Variants in SAMMSON observed in about 807,000 individuals in gnomAD.
SAMMSON encodes long intergenic non-protein coding RNA 1212.
At chr3:70,131,749 T>G (rs1559520471) in intron 4 of SAMMSON, among the ~76,000 whole-genome samples, 1 of 151,986 alleles carries the variant, frequency 6.6e-6, no homozygotes, top group African/African-American at 2.4e-5. Context: ...CCCAGCTAGT[T>G]TTTTTGATTT....
chr3:70,215,771 T>C (rs919315864), intron 4 of SAMMSON, among the ~76,000 whole-genome samples: 2 of 152,116 alleles, frequency 1.3e-5, no homozygotes, highest in Admixed American at 6.6e-5. Context: ...AGAAAGCAAG[T>C]AATAAATACA....
chr3:70,061,854 C>G (rs1041673862), intron 3 of SAMMSON, among the ~76,000 whole-genome samples: 2 of 152,142 alleles, frequency 1.3e-5, no homozygotes, highest in African/African-American at 4.8e-5. Flanking sequence ...CTTGCAACAG[C>G]TTCACTTGAT....
In SAMMSON at chr3:70,018,318, G is replaced by A. The variant is rs150454004; in HGVS notation, n.417+4646G>A. Among the ~76,000 whole-genome samples, 491 of 152,250 alleles carry A rather than the reference G, an allele frequency of 3.2e-3. 5 individuals are homozygous for A. The highest frequency in any genetic ancestry group is 0.011 in the African/African-American group (475 of 41,516). ...CTTCCTGGTTTATTCTTGGGAGGGTGTATGTGCTGAGGAATTTATCCATTT... is the reference window on the plus strand; with the variant it reads ...CTTCCTGGTTTATTCTTGGGAGGGTATATGTGCTGAGGAATTTATCCATTT... On this transcript the variant is annotated intron_variant and non_coding_transcript_variant, in intron 3 of 9. Transcript: ENST00000642114.
chr3:70,388,793 G>T (rs754035761), intron 9 of SAMMSON, among the ~76,000 whole-genome samples: 3 of 152,058 alleles, frequency 2.0e-5, no homozygotes, highest in African/African-American at 7.2e-5. Flanking sequence ...TAATATCTTT[G>T]ATTTTTGTTA....
At chr3:70,104,575 G>C (rs2067359402) in intron 4 of SAMMSON, among the ~76,000 whole-genome samples, 1 of 152,160 alleles carries the variant, frequency 6.6e-6, no homozygotes, top group African/African-American at 2.4e-5. Flanking sequence ...CAAGGGAAAA[G>C]GAGCTGGGTC....
chr3:70,427,308 T>A (rs1701377941), intron 2 of SAMMSON, among the ~76,000 whole-genome samples: 1 of 152,172 alleles, frequency 6.6e-6, no homozygotes, highest in Non-Finnish European at 1.5e-5. Context: ...TTGTTAGTAG[T>A]TTCTACTAAC....
rs1490474094 is a variant in SAMMSON at position 70,298,525 on chromosome 3, A to AC, written n.739+7283dup. 5.3e-5 allele frequency among the ~76,000 whole-genome samples: 8 copies of AC among 152,284 alleles called. No individual in the cohort carries two copies. The South Asian group carries it at 1.7e-3, about 32-fold the overall frequency. On this transcript the variant is annotated intron_variant and non_coding_transcript_variant, in intron 7 of 9. Transcript: ENST00000642114. ...ATTACTAAGTTGTAATTCATTTTGA[A>AC]CTATTTAATCACTGTGATCTACAGA...
intron 7 of SAMMSON, among the ~76,000 whole-genome samples, chr3:70,333,883 T>C (rs1202355995): frequency 6.6e-6 from 1 of 152,164 alleles, no homozygotes; most frequent in South Asian, 2.1e-4. Context: ...GTGAGAGAAA[T>C]TAAACTTGCC....
At chr3:70,052,698 A>G (rs2067150985) in intron 3 of SAMMSON, among the ~76,000 whole-genome samples, 1 of 152,070 alleles carries the variant, frequency 6.6e-6, no homozygotes, top group African/African-American at 2.4e-5. Flanking sequence ...GGGCTGAATA[A>G]TTCTTCATTG....
chr3:70,015,448 G>A (rs1380869938), intron 3 of SAMMSON: 1 of 151,734 alleles, frequency 6.6e-6, no homozygotes, highest in African/African-American at 2.4e-5. Context: ...CCAGTGTACA[G>A]GGAAAATCAA....
At chr3:70,320,432 A>T (rs186195959) in intron 7 of SAMMSON, among the ~76,000 whole-genome samples, 1 of 152,080 alleles carries the variant, frequency 6.6e-6, no homozygotes, top group African/African-American at 2.4e-5. Flanking sequence ...GTTTTCTACC[A>T]TCAGCAGAAA....
chr3:70,053,619 C>T (rs961127855), intron 3 of SAMMSON, among the ~76,000 whole-genome samples: 1 of 152,116 alleles, frequency 6.6e-6, no homozygotes, highest in African/African-American at 2.4e-5. Flanking sequence ...TTTATGCACT[C>T]AGTTTTTCTG....
chr3:70,041,395 T>C (rs2107586582), intron 3 of SAMMSON, among the ~76,000 whole-genome samples: 1 of 152,262 alleles, frequency 6.6e-6, no homozygotes, highest in East Asian at 1.9e-4. Context: ...ATTATTGCTT[T>C]AGTTTCACAA....
intron 4 of SAMMSON, among the ~76,000 whole-genome samples, chr3:70,093,051 C>T (rs770890170): frequency 9.9e-5 from 15 of 151,998 alleles, no homozygotes; most frequent in Non-Finnish European, 1.9e-4. Context: ...ATCTGAGGCA[C>T]GGCTGGGTAT....
chr3:70,168,005 T>A (rs1203803719), intron 4 of SAMMSON, among the ~76,000 whole-genome samples: 1 of 152,042 alleles, frequency 6.6e-6, no homozygotes, highest in Non-Finnish European at 1.5e-5. Flanking sequence ...AAATAGCATC[T>A]TCACAGAAGC....
At chr3:70,038,556 C>G (rs1337903359) in intron 3 of SAMMSON, among the ~76,000 whole-genome samples, 2 of 152,100 alleles carry the variant, frequency 1.3e-5, no homozygotes, top group Admixed American at 1.3e-4. Context: ...AGACTAGTAT[C>G]TTAACATAAT....
chr3:70,015,622 T>G (rs966022893), intron 3 of SAMMSON, among the ~76,000 whole-genome samples: 3 of 152,098 alleles, frequency 2.0e-5, no homozygotes, highest in Non-Finnish European at 2.9e-5. Flanking sequence ...TGTGCAGGTT[T>G]GTTACATATG....
At chr3:70,140,049 A>T (rs2067521793) in intron 4 of SAMMSON, among the ~76,000 whole-genome samples, 1 of 152,124 alleles carries the variant, frequency 6.6e-6, no homozygotes, top group Non-Finnish European at 1.5e-5. Context: ...ATTATTTTGT[A>T]AGTCATTTCT....
At chr3:70,213,719 A>G (rs191583177) in intron 4 of SAMMSON, among the ~76,000 whole-genome samples, 14 of 152,258 alleles carry the variant, frequency 9.2e-5, no homozygotes, top group African/African-American at 1.9e-4. Context: ...GTTAAAATGT[A>G]TGATTATACT....
Sources: gnomAD v4.1 joint callset for allele counts (sites outside exome capture counted in the v4.1 genomes callset) on GRCh38, gnomAD v4.1.1 for gene constraint, MANE v1.5 for transcripts, NCBI Gene and HGNC (gene_info 2026-07-23, HGNC 2026-07-21) for gene names.